TRAPPC5: variants seen among roughly 807,000 people sequenced by gnomAD.
TRAPPC5 encodes the protein trafficking protein particle complex 5.
TRAPPC5 carries 5 observed loss-of-function variants against 9.8 expected under a neutral mutation model. The ratio of observed to expected loss-of-function variants is 0.51; its 90% CI spans 0.27 to 1.07. The LOEUF (loss-of-function observed/expected upper bound fraction) is 1.07, where lower values mean the gene tolerates loss of function less well. TRAPPC5 is among the 50% of genes least tolerant of loss of function. The pLI, the probability that TRAPPC5 is intolerant of heterozygous loss-of-function variation, is 0.12. For synonymous variants in TRAPPC5, 146 were observed against 140.7 expected (o/e 1.04, Z -0.26); for missense variants, 243 against 291.5 (o/e 0.83, Z 1.21).
rs1388314692 is a variant in TRAPPC5 at position 7,682,691 on chromosome 19, C to T, written c.438C>T (p.Ile146=). 1.9e-6 allele frequency: 3 copies of T among 1,613,330 alleles called. No individual in the cohort carries two copies. The highest frequency in any genetic ancestry group is 1.7e-6 in the Non-Finnish European group (2 of 1,179,740). ...TLNCASFTAG[I]VEAVLTHSGF... is the part of the protein sequence containing the mutation. ...ACTGCGCCAGCTTCACGGCGGGCAT[C>T]GTGGAGGCGGTGCTCACACACAGCG... The change falls in exon 2 of 2, where the codon ATC becomes ATT. Residue 146 remains isoleucine (I), a synonymous_variant. Transcript: ENST00000596148. This position sits in a 1 kb window ranked among gnomAD's most constrained non-coding sequence, Gnocchi z 8.6.
chr19:7,682,369 A>G lies in TRAPPC5; in HGVS notation c.116A>G (p.His39Arg), dbSNP rs761094271. 1.3e-6 allele frequency: 2 copies of G among 1,567,042 alleles called. No individual in the cohort carries two copies. Among genetic ancestry groups the G allele is most frequent in the South Asian group, 2.3e-5 (2 of 86,030 alleles). The change falls in exon 2 of 2, where the codon CAC becomes CGC. Residue 39 changes from histidine to arginine, a missense_variant. His to Arg is a conservative substitution (Grantham distance 29). Transcript: ENST00000596148. The surrounding 1 kb of genome is among the most constrained non-coding windows in gnomAD (Gnocchi z 8.6). ...FALLFSELVQ[H>R]CQSRVFSVAE... ...CTGCTGTTCTCCGAGCTGGTACAGC[A>G]CTGCCAGAGCCGCGTCTTCTCCGTG...
chr19:7,683,519 C>T lies in TRAPPC5; in HGVS notation c.*699C>T, dbSNP rs2146259639. ...ACAGGCGTGAGCCACTGCTGTGCCGCCATGTGCTCTTGCCCCATTACTCCG... is the reference window on the plus strand; with the variant it reads ...ACAGGCGTGAGCCACTGCTGTGCCGTCATGTGCTCTTGCCCCATTACTCCG... On this transcript the variant is annotated 3_prime_UTR_variant, in exon 2 of 2. Coordinates refer to ENST00000596148, the MANE Select transcript of TRAPPC5 (RefSeq NM_001042462.2). 6.6e-6 allele frequency: 1 copy of T among 152,414 alleles called. No homozygotes were observed. Among genetic ancestry groups the T allele is most frequent in the South Asian group, 2.1e-4 (1 of 4,814 alleles). 9.4% of individuals were successfully genotyped at this position (152,414 alleles called of 1,614,324 possible).
Position 7,684,261 on chromosome 19 carries a change from AG to A in TRAPPC5, c.*1445del, listed in dbSNP as rs2032690069. 1 of 151,776 alleles carries A rather than the reference AG, an allele frequency of 6.6e-6. No homozygotes were observed. The highest frequency in any genetic ancestry group is 2.4e-5 in the African/African-American group (1 of 41,344). 9.4% of individuals were successfully genotyped at this position (151,776 alleles called of 1,614,324 possible). ...GCTTTAGGGTATCAGAATCACCAGG[AG>A]GGGCCACGTGCGGTGGCTCACGCCT... On this transcript the variant is annotated 3_prime_UTR_variant, in exon 2 of 2. Transcript: ENST00000596148.
In TRAPPC5 at chr19:7,681,374, G is replaced by A. The variant is rs1197031547; in HGVS notation, c.-13+496G>A. 6.6e-6 allele frequency among the ~76,000 whole-genome samples: 1 copy of A among 152,046 alleles called. No homozygotes were observed. The highest frequency in any genetic ancestry group is 2.4e-5 in the African/African-American group (1 of 41,392). On this transcript the variant is annotated intron_variant, in intron 1 of 1. Coordinates refer to ENST00000596148, the MANE Select transcript of TRAPPC5 (RefSeq NM_001042462.2). The surrounding 1 kb of genome is among the most constrained non-coding windows in gnomAD (Gnocchi z 8.7). ...CTCCCCACCCCATTTCTCTTCAGGA[G>A]CCCCCTACCCCATCTCCCTCTCCCC... is the stretch of plus-strand genomic sequence containing the variant.
rs1231765678 is a variant in TRAPPC5 at position 7,686,152 on chromosome 19, G to A, written c.*3332G>A. The A allele has an allele frequency of 6.6e-6, 1 of 152,598 alleles. No homozygotes were observed. Among genetic ancestry groups the A allele is most frequent in the Admixed American group, 6.5e-5 (1 of 15,282 alleles). The allele number at this position is 152,598 out of a possible 1,614,324, so 9.5% of individuals were successfully genotyped here. On this transcript the variant is annotated 3_prime_UTR_variant, in exon 2 of 2. Transcript: ENST00000596148. ...CGGGAATTTGTAAGCTGGGAGTGCA[G>A]GGCCCAGGGTCTGTTCCCACGCCCC...
chr19:7,686,639 A>G lies in TRAPPC5; in HGVS notation c.*3819A>G, dbSNP rs1038672658. ...ATTCTCCTGCTTCAGCCTCCTGAAT[A>G]GTTGGGACTATAGGCATCCGCCACC... On this transcript the variant is annotated 3_prime_UTR_variant, in exon 2 of 2. Coordinates refer to ENST00000596148, the MANE Select transcript of TRAPPC5 (RefSeq NM_001042462.2). The G allele has an allele frequency of 2.6e-5, 4 of 151,744 alleles. No homozygotes were observed. The highest frequency in any genetic ancestry group is 9.7e-5 in the African/African-American group (4 of 41,198). The allele number at this position is 151,744 out of a possible 1,614,324, so 9.4% of individuals were successfully genotyped here. A position where few individuals can be genotyped will look rare whatever the true frequency, so the allele number is the denominator to read the frequency against.
rs1397236500 is a variant in TRAPPC5 at position 7,683,779 on chromosome 19, C to G, written c.*959C>G. On this transcript the variant is annotated 3_prime_UTR_variant, in exon 2 of 2. Coordinates refer to ENST00000596148, the MANE Select transcript of TRAPPC5 (RefSeq NM_001042462.2). ...TCTCCTGCCCCAGCCTCCCGAGTAG[C>G]TGGAACTACAGGTGCCCACCACCAC... 6.6e-6 allele frequency: 1 copy of G among 152,176 alleles called. No homozygotes were observed. Among genetic ancestry groups the G allele is most frequent in the East Asian group, 1.9e-4 (1 of 5,174 alleles). The allele number at this position is 152,176 out of a possible 1,614,324, so 9.4% of individuals were successfully genotyped here.
chr19:7,686,188 G>T lies in TRAPPC5; in HGVS notation c.*3368G>T, dbSNP rs1303334393. 6.6e-6 allele frequency: 1 copy of T among 152,356 alleles called. No individual in the cohort carries two copies. Among genetic ancestry groups the T allele is most frequent in the Non-Finnish European group, 1.5e-5 (1 of 68,184 alleles). The allele number at this position is 152,356 out of a possible 1,614,324, so 9.4% of individuals were successfully genotyped here. Reference sequence around the variant, plus strand: ...CTGTTCCCACGCCCCATCCCCACCGGCCACCGAGGGTGAGTTAGGGGGCTT... The same window carrying T: ...CTGTTCCCACGCCCCATCCCCACCGTCCACCGAGGGTGAGTTAGGGGGCTT... On this transcript the variant is annotated 3_prime_UTR_variant, in exon 2 of 2. Transcript: ENST00000596148.
Position 7,681,599 on chromosome 19 carries a change from C to G in TRAPPC5, c.-12-643C>G, listed in dbSNP as rs899446418. ...CCTGAGGGCTTGGGGTTGGGGGTTACCCGCCCCTCCTGCCTGGCCCCACGG... is the reference window on the plus strand; with the variant it reads ...CCTGAGGGCTTGGGGTTGGGGGTTAGCCGCCCCTCCTGCCTGGCCCCACGG... On this transcript the variant is annotated intron_variant, in intron 1 of 1. Coordinates refer to ENST00000596148, the MANE Select transcript of TRAPPC5 (RefSeq NM_001042462.2). This position sits in a 1 kb window ranked among gnomAD's most constrained non-coding sequence, Gnocchi z 8.7. 3.3e-5 allele frequency among the ~76,000 whole-genome samples: 5 copies of G among 152,106 alleles called. No individual in the cohort carries two copies. The highest frequency in any genetic ancestry group is 7.4e-5 in the Non-Finnish European group (5 of 68,014).
Position 7,683,675 on chromosome 19 carries a change from T to A in TRAPPC5, c.*855T>A, listed in dbSNP as rs950981875. 4 of 152,118 alleles carry A rather than the reference T, an allele frequency of 2.6e-5. No homozygotes were observed. The highest frequency in any genetic ancestry group is 5.9e-5 in the Non-Finnish European group (4 of 68,044). The allele number at this position is 152,118 out of a possible 1,614,324, so 9.4% of individuals were successfully genotyped here. A position where few individuals can be genotyped will look rare whatever the true frequency, so the allele number is the denominator to read the frequency against. On this transcript the variant is annotated 3_prime_UTR_variant, in exon 2 of 2. Transcript: ENST00000596148. ...ATATTTTTCAGAGACAGGGTTTTGT[T>A]CTGTCGCCCAGGCTGGAGTGCAGTG... is the stretch of plus-strand genomic sequence containing the variant.
rs1007780805 is a variant in TRAPPC5 at position 7,681,263 on chromosome 19, T to C, written c.-13+385T>C. ...TCTCCCACCTCCCACGCAGACCTCG[T>C]TGGGGTCGGCTTAGCATCCACACAC... On this transcript the variant is annotated intron_variant, in intron 1 of 1. Coordinates refer to ENST00000596148, the MANE Select transcript of TRAPPC5 (RefSeq NM_001042462.2). This position sits in a 1 kb window ranked among gnomAD's most constrained non-coding sequence, Gnocchi z 8.7. 1.3e-5 allele frequency among the ~76,000 whole-genome samples: 2 copies of C among 151,796 alleles called. No individual in the cohort carries two copies. The highest frequency in any genetic ancestry group is 2.9e-5 in the Non-Finnish European group (2 of 67,896).
Position 7,682,591 on chromosome 19 carries a change from G to C in TRAPPC5, c.338G>C (p.Arg113Pro). The stretch of plus-strand genomic sequence containing the variant: ...CTGGAGCAGGCCAACGATGACGCGC[G>C]CACCTTCTACATCATCGAGCGCGAG... ...DKLEQANDDA[R>P]TFYIIEREPL... Residue 113 changes from arginine to proline, a missense_variant, in exon 2 of 2, where the codon CGC becomes CCC. Coordinates refer to ENST00000596148, the MANE Select transcript of TRAPPC5 (RefSeq NM_001042462.2). This position sits in a 1 kb window ranked among gnomAD's most constrained non-coding sequence, Gnocchi z 8.6. 1 of 1,612,442 alleles carries C rather than the reference G, an allele frequency of 6.2e-7. No homozygotes were observed. Among genetic ancestry groups the C allele is most frequent in the Non-Finnish European group, 8.5e-7 (1 of 1,179,990 alleles).
chr19:7,682,392 G>T lies in TRAPPC5; in HGVS notation c.139G>T (p.Val47Leu). The T allele has an allele frequency of 1.3e-6, 2 of 1,576,414 alleles. No individual in the cohort carries two copies. Among genetic ancestry groups the T allele is most frequent in the Non-Finnish European group, 1.7e-6 (2 of 1,161,680 alleles). The stretch of plus-strand genomic sequence containing the variant: ...GCACTGCCAGAGCCGCGTCTTCTCC[G>T]TGGCCGAGCTGCAGTCGCGCCTGGC... Reference protein sequence around the residue: ...VQHCQSRVFSVAELQSRLAAL... With the variant: ...VQHCQSRVFSLAELQSRLAAL... Residue 47 changes from valine (V) to leucine (L), a missense_variant, in exon 2 of 2, where the codon GTG becomes TTG. Coordinates refer to ENST00000596148, the MANE Select transcript of TRAPPC5 (RefSeq NM_001042462.2). This position sits in a 1 kb window ranked among gnomAD's most constrained non-coding sequence, Gnocchi z 8.6.
rs1300054020 is a variant in TRAPPC5 at position 7,685,758 on chromosome 19, G to C, written c.*2938G>C. ...ATAGCTGTTGGCTGTTGGAGGTGGA[G>C]GGAGGCGCCGGGAGAGGGCTTGGGC... On this transcript the variant is annotated 3_prime_UTR_variant, in exon 2 of 2. Transcript: ENST00000596148. The C allele has an allele frequency of 6.6e-6, 1 of 152,630 alleles. No individual in the cohort carries two copies. The highest frequency in any genetic ancestry group is 1.5e-5 in the Non-Finnish European group (1 of 68,348). The allele number at this position is 152,630 out of a possible 1,614,324, so 9.5% of individuals were successfully genotyped here.
In TRAPPC5 at chr19:7,684,836, T is replaced by C. The variant is rs906353976; in HGVS notation, c.*2016T>C. The C allele has an allele frequency of 1.3e-5, 2 of 149,728 alleles. No individual in the cohort carries two copies. The highest frequency in any genetic ancestry group is 4.9e-5 in the African/African-American group (2 of 40,430). The allele number at this position is 149,728 out of a possible 1,614,324, so 9.3% of individuals were successfully genotyped here. On this transcript the variant is annotated 3_prime_UTR_variant, in exon 2 of 2. Transcript: ENST00000596148. ...CAGGATGATACAAACACATTTCCCT[T>C]GTTAAAAAAATTTTAAAATAAGTGG...
rs1354178048 is a variant in TRAPPC5, at chr19:7,682,004, C to T, written c.-12-238C>T. On this transcript the variant is annotated intron_variant, in intron 1 of 1. Coordinates refer to ENST00000596148, the MANE Select transcript of TRAPPC5 (RefSeq NM_001042462.2). This position sits in a 1 kb window ranked among gnomAD's most constrained non-coding sequence, Gnocchi z 8.6. ...TCTCCTCCCACCTTGTCCCCACTCCCGCTAGCCCGCTGCCTGCCGAGGGTA... is the reference window on the plus strand; with the variant it reads ...TCTCCTCCCACCTTGTCCCCACTCCTGCTAGCCCGCTGCCTGCCGAGGGTA... Among the ~76,000 whole-genome samples, 3 of 152,174 alleles carry T rather than the reference C, an allele frequency of 2.0e-5. No homozygotes were observed. The highest frequency in any genetic ancestry group is 2.9e-5 in the Non-Finnish European group (2 of 68,036).
At position 7,681,055 on chromosome 19, in the gene TRAPPC5, G is replaced by A. The variant is rs938581904; in HGVS notation, c.-13+177G>A. ...GGTTTCTCCCCAGTGTAGAGGTACGGGGCGAGGGTCGCGGGGCCCTGACCC... is the reference window on the plus strand; with the variant it reads ...GGTTTCTCCCCAGTGTAGAGGTACGAGGCGAGGGTCGCGGGGCCCTGACCC... On this transcript the variant is annotated intron_variant, in intron 1 of 1. Transcript: ENST00000596148. This position sits in a 1 kb window ranked among gnomAD's most constrained non-coding sequence, Gnocchi z 8.7. 4.6e-5 allele frequency: 7 copies of A among 151,556 alleles called. No homozygotes were observed. The highest frequency in any genetic ancestry group is 1.7e-4 in the African/African-American group (7 of 41,214). The allele number at this position is 151,556 out of a possible 1,614,324, so 9.4% of individuals were successfully genotyped here.
In TRAPPC5 at chr19:7,682,298, C is replaced by T. The variant is rs1000464639; in HGVS notation, c.45C>T (p.Arg15=). The T allele has an allele frequency of 6.8e-7, 1 of 1,468,656 alleles. No individual in the cohort carries two copies. 91.0% of individuals were successfully genotyped at this position (1,468,656 alleles called of 1,614,324 possible). ...FTRGKSALLE[R]ALARPRTEVS... is the part of the protein sequence containing the mutation. Reference sequence around the variant, plus strand: ...GCGGGAAGTCGGCGCTGCTGGAGCGCGCGCTGGCGCGGCCGCGCACCGAGG... The same window carrying T: ...GCGGGAAGTCGGCGCTGCTGGAGCGTGCGCTGGCGCGGCCGCGCACCGAGG... The change falls in exon 2 of 2, where the codon CGC becomes CGT. Residue 15 remains arginine (R), a synonymous_variant. Coordinates refer to ENST00000596148, the MANE Select transcript of TRAPPC5 (RefSeq NM_001042462.2). This position sits in a 1 kb window ranked among gnomAD's most constrained non-coding sequence, Gnocchi z 8.6.
chr19:7,681,267 G>A lies in TRAPPC5; in HGVS notation c.-13+389G>A, dbSNP rs571279914. On this transcript the variant is annotated intron_variant, in intron 1 of 1. Transcript: ENST00000596148. The surrounding 1 kb of genome is among the most constrained non-coding windows in gnomAD (Gnocchi z 8.7). ...CCACCTCCCACGCAGACCTCGTTGG[G>A]GTCGGCTTAGCATCCACACACCTCC... Among the ~76,000 whole-genome samples, 655 of 151,928 alleles carry A rather than the reference G, an allele frequency of 4.3e-3. 2 individuals are homozygous for A. Among genetic ancestry groups the A allele is most frequent in the African/African-American group, 0.015 (632 of 41,438 alleles).
Sources: allele counts gnomAD v4.1 joint callset (sites outside exome capture counted in the v4.1 genomes callset), GRCh38; gene constraint gnomAD v4.1.1; non-coding constraint Gnocchi (gnomAD v3.1); transcripts MANE v1.5; gene names NCBI Gene and HGNC (gene_info 2026-07-23, HGNC 2026-07-21).